The following ZNF521 variants were observed in gnomAD, a reference collection of about 807,000 sequenced individuals.
ZNF521 encodes the protein LYST-interacting protein 3.
A neutral mutation model predicts 105.5 loss-of-function variants in ZNF521; 14 were observed. That is an observed-to-expected ratio of 0.13 (90% confidence interval 0.09 to 0.21). The LOEUF (loss-of-function observed/expected upper bound fraction) is 0.21. ZNF521 is among the 10% of genes least tolerant of loss of function. The pLI is 1.00. For synonymous variants in ZNF521, 635 were observed against 606.0 expected (o/e 1.05, Z -0.70); for missense variants, 1,233 against 1,629.7 (o/e 0.76, Z 4.19).
intron 3 of ZNF521, among the ~76,000 whole-genome samples, chr18:25,239,169 C>T (rs1907132989): frequency 6.6e-6 from 1 of 152,174 alleles, no homozygotes; most frequent in Admixed American, 6.5e-5. Context: ...TAACAGCCCC[C>T]CTCCCACTTT....
chr18:25,300,973 C>T (rs1911611671), intron 3 of ZNF521, among the ~76,000 whole-genome samples: 1 of 152,082 alleles, frequency 6.6e-6, no homozygotes, highest in Non-Finnish European at 1.5e-5. Flanking sequence ...TATTTTAATT[C>T]TCTAACAATG....
intron 3 of ZNF521, among the ~76,000 whole-genome samples, chr18:25,261,302 C>T (rs1054643589): frequency 6.6e-6 from 1 of 152,214 alleles, no homozygotes; most frequent in African/African-American, 2.4e-5. Context: ...AGTGCTCAAA[C>T]TTGATTCTGA....
At chr18:25,323,319 G>A (rs1340370528) in intron 2 of ZNF521, among the ~76,000 whole-genome samples, 1 of 152,044 alleles carries the variant, frequency 6.6e-6, no homozygotes, top group East Asian at 1.9e-4. Context: ...ACTGTATCAA[G>A]ATACCTAAGA....
At position 25,226,268 on chromosome 18, in the gene ZNF521, C is replaced by T. The variant is rs201474045; in HGVS notation, c.1650G>A (p.Gly550=). Residue 550 remains glycine (G), a synonymous_variant, in exon 4 of 8, where the codon GGG becomes GGA. Coordinates refer to ENST00000361524, the MANE Select transcript of ZNF521 (RefSeq NM_015461.3). The surrounding 1 kb of genome is among the most constrained non-coding windows in gnomAD (Gnocchi z 4.1). Reference sequence around the variant, plus strand: ...CTTCTACTACTGGTTCTTTGGGAGTCCCAAGCACTGGAGACCCAAATCGGG... The same window carrying T: ...CTTCTACTACTGGTTCTTTGGGAGTTCCAAGCACTGGAGACCCAAATCGGG... ...SGSRFGSPVL[G]TPKEPVVEVY... The T allele has an allele frequency of 1.2e-6, 2 of 1,614,124 alleles. No homozygotes were observed. Among genetic ancestry groups the T allele is most frequent in the South Asian group, 1.1e-5 (1 of 91,078 alleles).
intron 3 of ZNF521, among the ~76,000 whole-genome samples, chr18:25,251,833 T>C (rs1314720783): frequency 6.6e-6 from 1 of 152,192 alleles, no homozygotes; most frequent in Non-Finnish European, 1.5e-5. Context: ...TCTACACACA[T>C]GGTATTGATT....
At chr18:25,151,157 A>G (rs1411642519) in intron 5 of ZNF521, among the ~76,000 whole-genome samples, 1 of 152,098 alleles carries the variant, frequency 6.6e-6, no homozygotes, top group Non-Finnish European at 1.5e-5. Flanking sequence ...CCCTAAAAAT[A>G]AAACCCAACT....
rs67381140 is a variant in ZNF521 at position 25,273,220 on chromosome 18, C to CAAAAAAAAAAAAAAAAAAAAAAAAAAAA, written c.221-45551_221-45524dup. Among the ~76,000 whole-genome samples, 8 of 40,888 alleles carry CAAAAAAAAAAAAAAAAAAAAAAAAAAAA rather than the reference C, an allele frequency of 2.0e-4. 2 individuals carry two copies. Among genetic ancestry groups the CAAAAAAAAAAAAAAAAAAAAAAAAAAAA allele is most frequent in the Admixed American group, 3.5e-4 (1 of 2,830 alleles). 26.8% of individuals were successfully genotyped at this position (40,888 alleles called of 152,430 possible). ...CCCAAGAGGAGTGAAACCCTGTCTCCAAAAAAAAAAAAAAAAAAAAAAAAA... is the reference window on the plus strand; with the variant it reads ...CCCAAGAGGAGTGAAACCCTGTCTCCAAAAAAAAAAAAAAAAAAAAAAAAAAAAAAAAAAAAAAAAAAAAAAAAAAAAA... On this transcript the variant is annotated intron_variant, in intron 3 of 7. Coordinates refer to ENST00000361524, the MANE Select transcript of ZNF521 (RefSeq NM_015461.3).
intron 7 of ZNF521, among the ~76,000 whole-genome samples, chr18:25,076,613 G>A (rs909141133): frequency 6.6e-6 from 1 of 152,106 alleles, no homozygotes; most frequent in Non-Finnish European, 1.5e-5. Context: ...TGGAATGAAT[G>A]AGCCAATTCA....
chr18:25,351,128 T>G (rs1914738741), intron 1 of ZNF521, 181 bp from the exon 2 acceptor site: 1 of 184,006 alleles, frequency 5.4e-6, no homozygotes, highest in Non-Finnish European at 1.0e-5. Context: ...GGCTCGCGGC[T>G]GCCCGAGCTC....
At chr18:25,125,803 G>A (rs1244135822) in intron 5 of ZNF521, among the ~76,000 whole-genome samples, 2 of 151,346 alleles carry the variant, frequency 1.3e-5, no homozygotes, top group Non-Finnish European at 2.9e-5. Flanking sequence ...AAATAAACTT[G>A]CTTGCTATCC....
intron 3 of ZNF521, among the ~76,000 whole-genome samples, chr18:25,246,705 C>A (rs1298043429): frequency 6.6e-6 from 1 of 152,140 alleles, no homozygotes; most frequent in Non-Finnish European, 1.5e-5. Context: ...TAATATGTTA[C>A]CTTAGAGCCA....
chr18:25,309,649 T>C (rs976611344), intron 3 of ZNF521, among the ~76,000 whole-genome samples: 1 of 152,156 alleles, frequency 6.6e-6, no homozygotes, highest in African/African-American at 2.4e-5. Flanking sequence ...ATATTTTGCA[T>C]AGAAAATAAA....
intron 3 of ZNF521, among the ~76,000 whole-genome samples, chr18:25,230,453 C>T (rs184781313): frequency 5.9e-5 from 9 of 152,146 alleles, no homozygotes; most frequent in Admixed American, 1.3e-4. Context: ...ATGGTCTCCC[C>T]GCCAACATAC....
chr18:25,121,304 G>C (rs919892922), intron 5 of ZNF521, among the ~76,000 whole-genome samples: 2 of 137,032 alleles, frequency 1.5e-5, no homozygotes, highest in African/African-American at 5.5e-5. Context: ...ACAAAGTCTC[G>C]CTCTGTTGCC....
At chr18:25,075,105 C>T (rs1259537329) in intron 7 of ZNF521, among the ~76,000 whole-genome samples, 2 of 152,110 alleles carry the variant, frequency 1.3e-5, no homozygotes. Flanking sequence ...GAGCCGTAAA[C>T]AAGAACACAC....
chr18:25,343,722 C>A (rs890814814), intron 2 of ZNF521, among the ~76,000 whole-genome samples: 1 of 152,034 alleles, frequency 6.6e-6, no homozygotes, highest in Non-Finnish European at 1.5e-5. Flanking sequence ...ATAAAAATGA[C>A]AGGCATACAC....
intron 5 of ZNF521, among the ~76,000 whole-genome samples, chr18:25,163,202 A>G (rs1468725227): frequency 6.6e-6 from 1 of 152,208 alleles, no homozygotes; most frequent in Non-Finnish European, 1.5e-5. Context: ...AGTCAATAAT[A>G]TCAGAGGAGA....
chr18:25,308,653 C>G (rs1019251266), intron 3 of ZNF521, among the ~76,000 whole-genome samples: 5 of 113,896 alleles, frequency 4.4e-5, no homozygotes, highest in African/African-American at 9.2e-5. Flanking sequence ...ATGACATCCC[C>G]CCCCCCCCAC....
chr18:25,347,917 G>C (rs867845592), intron 2 of ZNF521, among the ~76,000 whole-genome samples: 12 of 152,176 alleles, frequency 7.9e-5, no homozygotes, highest in African/African-American at 2.9e-4. Context: ...ATGCATGTAA[G>C]ACAGAAGTTG....
Sources: gnomAD v4.1 joint callset for allele counts (sites outside exome capture counted in the v4.1 genomes callset) on GRCh38, gnomAD v4.1.1 for gene constraint, Gnocchi (gnomAD v3.1) non-coding constraint, MANE v1.5 for transcripts, NCBI Gene and HGNC (gene_info 2026-07-23, HGNC 2026-07-21) for gene names.